The following ANKRD55 variants were observed in gnomAD, a reference collection of about 807,000 sequenced individuals.
The protein encoded by ANKRD55 is ankyrin repeat domain 55.
A neutral mutation model predicts 60.6 loss-of-function variants in ANKRD55; 41 were observed. That is an observed-to-expected ratio of 0.68 (90% CI 0.53 to 0.88). The LOEUF (loss-of-function observed/expected upper bound fraction) is 0.88. Ranked by LOEUF, ANKRD55 falls within the 40% of genes least tolerant of loss-of-function variation. ANKRD55 has a pLI of 0.00. For missense variants in ANKRD55, 732 were observed against 767.6 expected, an observed-to-expected ratio of 0.95 and a Z score of 0.55; for synonymous variants, 264 against 290.3, an observed-to-expected ratio of 0.91 and a Z score of 0.92.
chr5:56,223,608 C>A (rs565004415), intron 2 of ANKRD55, among the ~76,000 whole-genome samples: 27 of 152,220 alleles, frequency 1.8e-4, no homozygotes, highest in African/African-American at 5.8e-4. Context: ...TCAGGAGACC[C>A]ATCTCACATG....
intron 5 of ANKRD55, among the ~76,000 whole-genome samples, chr5:56,167,831 A>T (rs769318680): frequency 6.6e-6 from 1 of 152,216 alleles, no homozygotes; most frequent in African/African-American, 2.4e-5. Context: ...ACTGATAAGC[A>T]TAATAAGAAA....
chr5:56,141,565 G>A (rs1757767833), intron 7 of ANKRD55, among the ~76,000 whole-genome samples: 1 of 152,216 alleles, frequency 6.6e-6, no homozygotes, highest in Admixed American at 6.5e-5. Flanking sequence ...GTGACATTTA[G>A]TAGAGACAAA....
At chr5:56,164,054 T>C (rs1323930545) in intron 5 of ANKRD55, among the ~76,000 whole-genome samples, 3 of 152,160 alleles carry the variant, frequency 2.0e-5, no homozygotes, top group African/African-American at 4.8e-5. Flanking sequence ...ATTATGCCAC[T>C]GCACTCTAGC....
chr5:56,151,827 C>CAA (rs139617374), intron 6 of ANKRD55, among the ~76,000 whole-genome samples: 2 of 144,490 alleles, frequency 1.4e-5, no homozygotes, highest in Non-Finnish European at 3.0e-5. Context: ...AAAAAAAAAT[C>CAA]TATATATATA....
chr5:56,116,556 A>T, intron 9 of ANKRD55, 59 bp downstream of exon 9: 1 of 1,369,280 alleles, frequency 7.3e-7, no homozygotes, highest in Non-Finnish European at 9.5e-7. Context: ...AAAACATTTC[A>T]TCCAAATTTA....
At chr5:56,188,514 T>A (rs1310733927) in intron 2 of ANKRD55, among the ~76,000 whole-genome samples, 1 of 152,176 alleles carries the variant, frequency 6.6e-6, no homozygotes, top group Non-Finnish European at 1.5e-5. Flanking sequence ...GAGATAGGGG[T>A]CTAGTTTTAT....
At chr5:56,200,665 T>A (rs1759342363) in intron 2 of ANKRD55, among the ~76,000 whole-genome samples, 1 of 152,292 alleles carries the variant, frequency 6.6e-6, no homozygotes, top group South Asian at 2.1e-4. Context: ...TGGGCCCATT[T>A]TGTTGAAATT....
intron 2 of ANKRD55, among the ~76,000 whole-genome samples, chr5:56,195,947 T>C: frequency 6.6e-6 from 1 of 152,188 alleles, no homozygotes; most frequent in East Asian, 1.9e-4. Flanking sequence ...TGAACAACTC[T>C]TTACCATAGT....
chr5:56,201,979 G>T (rs1048076309), intron 2 of ANKRD55, among the ~76,000 whole-genome samples: 1 of 152,154 alleles, frequency 6.6e-6, no homozygotes, highest in Non-Finnish European at 1.5e-5. Context: ...AAAGAACGAG[G>T]TCATGTCCTT....
intron 8 of ANKRD55, among the ~76,000 whole-genome samples, chr5:56,126,571 T>C (rs75812065): frequency 0.018 from 2,698 of 149,500 alleles, 83 homozygotes; most frequent in African/African-American, 0.063. Context: ...TTGTGGACTT[T>C]ATAACATAAT....
intron 2 of ANKRD55, among the ~76,000 whole-genome samples, chr5:56,227,630 T>A (rs886246794): frequency 2.0e-5 from 3 of 150,836 alleles, no homozygotes; most frequent in Non-Finnish European, 3.0e-5. Flanking sequence ...TTTTTTTTTT[T>A]ATTAAACCTT....
chr5:56,101,102 G>C (rs909580105), intron 11 of ANKRD55, among the ~76,000 whole-genome samples: 4 of 152,178 alleles, frequency 2.6e-5, no homozygotes, highest in African/African-American at 7.2e-5. Flanking sequence ...AAAAGACAGA[G>C]TTGTACTAAG....
intron 7 of ANKRD55, among the ~76,000 whole-genome samples, chr5:56,135,266 C>CTTT (rs1757535692): frequency 1.0e-5 from 1 of 95,666 alleles, no homozygotes; most frequent in South Asian, 4.5e-4. Flanking sequence ...TTCCTTCTTT[C>CTTT]CCTCCCTCCC....
chr5:56,219,329 A>T (rs1759905811), intron 2 of ANKRD55, among the ~76,000 whole-genome samples: 1 of 151,784 alleles, frequency 6.6e-6, no homozygotes, highest in African/African-American at 2.4e-5. Flanking sequence ...ATTGAATATT[A>T]TATGCATGTA....
intron 9 of ANKRD55, among the ~76,000 whole-genome samples, chr5:56,115,359 T>A (rs1756857184): frequency 6.7e-6 from 1 of 149,852 alleles, no homozygotes; most frequent in African/African-American, 2.5e-5. Flanking sequence ...TGCTCTGTCA[T>A]CCAGGCTGGA....
At chr5:56,106,109 T>C (rs897263382) in intron 10 of ANKRD55, among the ~76,000 whole-genome samples, 4 of 152,200 alleles carry the variant, frequency 2.6e-5, no homozygotes, top group African/African-American at 9.7e-5. Flanking sequence ...TCAGGGCTGC[T>C]GATGTAAGCA....
intron 4 of ANKRD55, among the ~76,000 whole-genome samples, chr5:56,173,580 C>CTATATA (rs1162215148): frequency 1.6e-3 from 93 of 59,762 alleles, no homozygotes; most frequent in Admixed American, 1.9e-3. Flanking sequence ...CTCTCTCTCT[C>CTATATA]TCTATATATA....
intron 9 of ANKRD55, 102 bp downstream of exon 9, chr5:56,116,513 T>C: frequency 1.0e-6 from 1 of 967,606 alleles, no homozygotes; most frequent in Non-Finnish European, 1.4e-6. Flanking sequence ...AAAAGTATAA[T>C]AATATTATTA....
At chr5:56,177,774 CA>C (rs61601176) in intron 3 of ANKRD55, among the ~76,000 whole-genome samples, 15 of 147,428 alleles carry the variant, frequency 1.0e-4, no homozygotes, top group Admixed American at 4.8e-4. Flanking sequence ...GACTCCATCT[CA>C]AAAAAAAAAC....
Sources: gnomAD v4.1 joint callset for allele counts (sites outside exome capture counted in the v4.1 genomes callset) on GRCh38, gnomAD v4.1.1 for gene constraint, MANE v1.5 for transcripts, NCBI Gene and HGNC (gene_info 2026-07-23, HGNC 2026-07-21) for gene names.